AGBL4: variants seen among roughly 807,000 people sequenced by gnomAD.
AGBL4 encodes the protein cytosolic carboxypeptidase 6.
Under a neutral mutation model 66.4 loss-of-function variants are expected in AGBL4, and 58 were observed. That is an observed-to-expected ratio of 0.87 (90% confidence interval 0.71 to 1.09). AGBL4 has a LOEUF of 1.09. Ranked by LOEUF, AGBL4 falls within the 50% of genes least tolerant of loss-of-function variation. The pLI, the probability that AGBL4 is intolerant of heterozygous loss-of-function variation, is 0.00. For synonymous variants in AGBL4, 234 were observed against 222.9 expected (o/e 1.05, Z -0.44); for missense variants, 579 against 631.0 (o/e 0.92, Z 0.88).
intron 2 of AGBL4, among the ~76,000 whole-genome samples, chr1:49,723,953 C>G (rs962176386): frequency 6.6e-6 from 1 of 152,048 alleles, no homozygotes; most frequent in Non-Finnish European, 1.5e-5. Context: ...GATTCCAGGC[C>G]TAAGCTTCTT....
Position 48,627,912 on chromosome 1 carries a change from T to C in AGBL4, c.951+6581A>G, listed in dbSNP as rs182690394. ...TTCTTCCTAGCAACAGCCTTTTCAC[T>C]TGAGTTGGGATCTCATCATTCTTAC... is the stretch of plus-strand genomic sequence containing the variant. On this transcript the variant is annotated intron_variant, in intron 9 of 13. Coordinates refer to ENST00000371839, the MANE Select transcript of AGBL4 (RefSeq NM_032785.4). 3.6e-3 allele frequency among the ~76,000 whole-genome samples: 546 copies of C among 152,310 alleles called. 6 individuals carry two copies. Among genetic ancestry groups the C allele is most frequent in the Admixed American group, 6.1e-3 (93 of 15,296 alleles).
At chr1:49,011,938 A>G (rs1176694765) in intron 5 of AGBL4, among the ~76,000 whole-genome samples, 1 of 151,352 alleles carries the variant, frequency 6.6e-6, no homozygotes, top group East Asian at 1.9e-4. Context: ...GCTAGATGAC[A>G]AGTTAGTGGG....
chr1:48,574,311 G>A (rs1644614585), intron 11 of AGBL4, among the ~76,000 whole-genome samples: 1 of 152,112 alleles, frequency 6.6e-6, no homozygotes, highest in Non-Finnish European at 1.5e-5. Context: ...CGAACACAGA[G>A]ACAAAATGCA....
intron 12 of AGBL4, among the ~76,000 whole-genome samples, chr1:48,536,890 A>T (rs1040172625): frequency 4.6e-5 from 7 of 152,198 alleles, no homozygotes; most frequent in Non-Finnish European, 4.4e-5. Flanking sequence ...CATGCCCCTG[A>T]GCCTGAGCTC....
chr1:48,588,851 A>AGAAGAGAAGG (rs1553191784), intron 10 of AGBL4, among the ~76,000 whole-genome samples: 13,530 of 137,628 alleles, frequency 0.098, 962 homozygotes, highest in Non-Finnish European at 0.11. Context: ...AGAAGAGAAG[A>AGAAGAGAAGG]GAAGAGAAGG....
chr1:49,610,507 T>C (rs1307135667), intron 3 of AGBL4, among the ~76,000 whole-genome samples: 1 of 152,228 alleles, frequency 6.6e-6, no homozygotes, highest in Non-Finnish European at 1.5e-5. Context: ...TGTGTCCCTC[T>C]GAAATTCATG....
intron 11 of AGBL4, among the ~76,000 whole-genome samples, chr1:48,570,035 G>A (rs576739891): frequency 6.6e-6 from 1 of 152,350 alleles, no homozygotes; most frequent in Non-Finnish European, 1.5e-5. Context: ...CATCCTGGTA[G>A]TTTAATATTC....
intron 1 of AGBL4, among the ~76,000 whole-genome samples, chr1:49,992,187 C>T (rs1660000727): frequency 2.0e-5 from 3 of 152,022 alleles, no homozygotes; most frequent in Non-Finnish European, 4.4e-5. Flanking sequence ...CTGGCTAACA[C>T]GGTGAAACCC....
intron 6 of AGBL4, among the ~76,000 whole-genome samples, chr1:48,722,671 T>C (rs1281314340): frequency 2.6e-5 from 4 of 152,190 alleles, no homozygotes; most frequent in Non-Finnish European, 5.9e-5. Context: ...ACTGGTAACA[T>C]TTCCCTCACC....
chr1:49,040,805 T>C (rs964044709), intron 5 of AGBL4, among the ~76,000 whole-genome samples: 13 of 152,078 alleles, frequency 8.5e-5, no homozygotes, highest in African/African-American at 2.9e-4. Flanking sequence ...AGGGAACTTT[T>C]TGAGATGATG....
chr1:49,445,440 T>C (rs1205508289), intron 3 of AGBL4, among the ~76,000 whole-genome samples: 1 of 152,160 alleles, frequency 6.6e-6, no homozygotes, highest in Non-Finnish European at 1.5e-5. Flanking sequence ...GGTTTTCTAA[T>C]CCTCTCTTTG....
intron 3 of AGBL4, among the ~76,000 whole-genome samples, chr1:49,521,168 T>A (rs1427877634): frequency 1.3e-5 from 2 of 152,012 alleles, no homozygotes; most frequent in Non-Finnish European, 2.9e-5. Context: ...ACAATTGCCA[T>A]CAAGAAAAAT....
chr1:49,554,677 G>C (rs1045490816), intron 3 of AGBL4, among the ~76,000 whole-genome samples: 1 of 152,148 alleles, frequency 6.6e-6, no homozygotes. Context: ...TCTTGGTCTC[G>C]CTGACTTCAA....
At chr1:48,830,556 T>G (rs1934401) in intron 6 of AGBL4, among the ~76,000 whole-genome samples, 87,248 of 152,130 alleles carry the variant, frequency 0.57, 25,917 homozygotes, top group Non-Finnish European at 0.66. Flanking sequence ...TAATGTCTGA[T>G]AAGTTAATAA....
intron 8 of AGBL4, among the ~76,000 whole-genome samples, chr1:48,652,690 C>T (rs1314864606): frequency 6.6e-6 from 1 of 152,130 alleles, no homozygotes; most frequent in Non-Finnish European, 1.5e-5. Flanking sequence ...ATAACACTAT[C>T]TATCTCAAAT....
chr1:49,580,502 C>T (rs1045105536), intron 3 of AGBL4, among the ~76,000 whole-genome samples: 1 of 152,032 alleles, frequency 6.6e-6, no homozygotes, highest in African/African-American at 2.4e-5. Flanking sequence ...GAATTTTATA[C>T]TTCTATGTAT....
chr1:49,961,457 A>G lies in AGBL4; in HGVS notation c.34+62306T>C, dbSNP rs572040720. ...GATTTAGAGGCTGCAGTAAGCTATG[A>G]TCATGCCACTGTACTCCAGCCTGGG... On this transcript the variant is annotated intron_variant, in intron 1 of 13. Coordinates refer to ENST00000371839, the MANE Select transcript of AGBL4 (RefSeq NM_032785.4). Among the ~76,000 whole-genome samples the G allele has an allele frequency of 3.9e-5, 6 of 152,234 alleles. No homozygotes were observed. In the East Asian group the frequency reaches 1.2e-3, roughly 29 times the overall value.
chr1:48,847,843 T>C (rs1424395314), intron 6 of AGBL4, among the ~76,000 whole-genome samples: 1 of 152,186 alleles, frequency 6.6e-6, no homozygotes, highest in African/African-American at 2.4e-5. Context: ...TGGTACACAG[T>C]CTGTGCTCAT....
chr1:49,668,618 C>A (rs1222001012), intron 3 of AGBL4, among the ~76,000 whole-genome samples: 1 of 152,180 alleles, frequency 6.6e-6, no homozygotes, highest in Non-Finnish European at 1.5e-5. Flanking sequence ...CGACTGTCTA[C>A]AATTGCATCA....
Sources: allele counts gnomAD v4.1 joint callset (sites outside exome capture counted in the v4.1 genomes callset), GRCh38; gene constraint gnomAD v4.1.1; transcripts MANE v1.5; gene names NCBI Gene and HGNC (gene_info 2026-07-23, HGNC 2026-07-21).